Variants in COL4A2 observed in about 807,000 individuals in gnomAD.
COL4A2 encodes collagen type IV alpha 2 chain.
In COL4A2, 99 loss-of-function variants were observed where a neutral mutation model predicts 200.2. The ratio of observed to expected loss-of-function variants is 0.49; its 90% CI spans 0.42 to 0.58. The LOEUF is 0.58. Among genes scored for constraint, COL4A2 ranks in the 20% least tolerant of loss-of-function variants. The pLI is 0.00. For missense variants in COL4A2, 1,950 were observed against 2,314.1 expected (o/e 0.84, Z 3.23); for synonymous variants, 897 against 900.6 (o/e 1.00, Z 0.07).
At chr13:110,409,202 C>G (rs1212364767) in intron 4 of COL4A2, among the ~76,000 whole-genome samples, 2 of 152,118 alleles carry the variant, frequency 1.3e-5, no homozygotes, top group Non-Finnish European at 2.9e-5. Context: ...TATACACATG[C>G]ACACATATAC....
chr13:110,329,897 T>C (rs1566475960), intron 3 of COL4A2, among the ~76,000 whole-genome samples: 1 of 151,852 alleles, frequency 6.6e-6, no homozygotes, highest in Non-Finnish European at 1.5e-5. Flanking sequence ...TTCCAGAGGG[T>C]GAAGGGTGAG....
At chr13:110,431,265 G>C (rs1880672281) in intron 10 of COL4A2, among the ~76,000 whole-genome samples, 1 of 152,188 alleles carries the variant, frequency 6.6e-6, no homozygotes, top group South Asian at 2.1e-4. Context: ...GCAGGTGAGA[G>C]AGATCTTCTC....
chr13:110,355,527 C>G (rs1877180922), intron 3 of COL4A2, among the ~76,000 whole-genome samples: 1 of 75,604 alleles, frequency 1.3e-5, no homozygotes. Flanking sequence ...TGGGGGAGGG[C>G]TGCACTAGCT....
rs575537587 is a variant in COL4A2 at position 110,438,107 on chromosome 13, G to A, written c.861+70G>A. 2.0e-4 allele frequency: 270 copies of A among 1,359,718 alleles called. 1 individual carries two copies. In the South Asian group the frequency reaches 2.7e-3, roughly 14 times the overall value. 84.2% of individuals were successfully genotyped at this position (1,359,718 alleles called of 1,614,324 possible). A position where few individuals can be genotyped will look rare whatever the true frequency, so the allele number is the denominator to read the frequency against. ...CTGTCGGCGCTCTGCCAGGCATGAC[G>A]GGGTGCACCATGCGCTCGGGGCCCG... On this transcript the variant is annotated intron_variant, in intron 14 of 47. Coordinates refer to ENST00000360467, the MANE Select transcript of COL4A2 (RefSeq NM_001846.4).
chr13:110,403,296 C>G (rs1414803424), intron 4 of COL4A2, among the ~76,000 whole-genome samples: 1 of 152,188 alleles, frequency 6.6e-6, no homozygotes, highest in Admixed American at 6.5e-5. Flanking sequence ...TAATTTGTTT[C>G]TCTCTGTTTA....
At chr13:110,485,147 T>TA (rs1883070412) in intron 33 of COL4A2, 120 bp downstream of exon 33, 1 of 874,836 alleles carries the variant, frequency 1.1e-6, no homozygotes, top group African/African-American at 1.7e-5. Flanking sequence ...CTTCGTGCTT[T>TA]TCATCTCTGG....
chr13:110,334,439 G>A (rs1876076324), intron 3 of COL4A2, among the ~76,000 whole-genome samples: 1 of 152,182 alleles, frequency 6.6e-6, no homozygotes, highest in Non-Finnish European at 1.5e-5. Context: ...CGTCTGCCTG[G>A]GGAGCAGACC....
chr13:110,387,004 C>T (rs985546068), intron 4 of COL4A2, among the ~76,000 whole-genome samples: 3 of 152,104 alleles, frequency 2.0e-5, no homozygotes, highest in Non-Finnish European at 4.4e-5. Context: ...CTTTGGGAGG[C>T]CGAGGCGGGT....
At chr13:110,353,418 G>T (rs1410363447) in intron 3 of COL4A2, among the ~76,000 whole-genome samples, 1 of 152,194 alleles carries the variant, frequency 6.6e-6, no homozygotes, top group Non-Finnish European at 1.5e-5. Flanking sequence ...GCTGAGAGCA[G>T]GGTGGCAGCA....
At chr13:110,402,906 G>C (rs578228212) in intron 4 of COL4A2, among the ~76,000 whole-genome samples, 11 of 152,334 alleles carry the variant, frequency 7.2e-5, no homozygotes, top group Admixed American at 5.9e-4. Flanking sequence ...GGTCACGAAG[G>C]CTTCCTGCTT....
chr13:110,335,409 A>G (rs1401944028), intron 3 of COL4A2, among the ~76,000 whole-genome samples: 1 of 152,078 alleles, frequency 6.6e-6, no homozygotes, highest in Non-Finnish European at 1.5e-5. Flanking sequence ...AAGTCTCATG[A>G]GATCTGATGG....
chr13:110,502,994 G>A (rs1594113140), intron 41 of COL4A2, 127 bp from the exon 42 acceptor site: 2 of 866,040 alleles, frequency 2.3e-6, no homozygotes, highest in Middle Eastern at 2.7e-4. Context: ...TAAAAACATA[G>A]ACAAAGTCAT....
At chr13:110,350,875 A>G (rs897899370) in intron 3 of COL4A2, among the ~76,000 whole-genome samples, 3 of 152,120 alleles carry the variant, frequency 2.0e-5, no homozygotes, top group Non-Finnish European at 4.4e-5. Context: ...ACAAGCACTC[A>G]TGACCTCTTT....
chr13:110,312,470 A>G (rs7324593), intron 3 of COL4A2, among the ~76,000 whole-genome samples: 119,252 of 152,236 alleles, frequency 0.78, 46,919 homozygotes, highest in East Asian at 0.91. Context: ...AAGAAAATGG[A>G]TGTGTAGTTT....
rs530982663 is a variant in COL4A2 at position 110,456,843 on chromosome 13, C to T, written c.1340-500C>T. The stretch of plus-strand genomic sequence containing the variant: ...GCGTCTGCGTGGAACCCCAGGCGTC[C>T]GTGGGGCTGATGCCCTGCGTCTGCG... On this transcript the variant is annotated intron_variant, in intron 20 of 47. Transcript: ENST00000360467. The T allele has an allele frequency of 1.2e-4, 54 of 456,750 alleles. 1 individual carries two copies. In the East Asian group the frequency reaches 2.7e-3, roughly 22 times the overall value. The allele number at this position is 456,750 out of a possible 1,614,324, so 28.3% of individuals were successfully genotyped here.
chr13:110,448,832 T>C (rs1192072439), intron 18 of COL4A2, among the ~76,000 whole-genome samples: 1 of 152,206 alleles, frequency 6.6e-6, no homozygotes, highest in Non-Finnish European at 1.5e-5. Context: ...GAGGTGGAGA[T>C]GGACTTGGCT....
At chr13:110,375,982 G>C (rs1010098685) in intron 4 of COL4A2, among the ~76,000 whole-genome samples, 1 of 152,150 alleles carries the variant, frequency 6.6e-6, no homozygotes, top group South Asian at 2.1e-4. Context: ...TTAAGGCTTT[G>C]TCAGCCTCTG....
chr13:110,438,799 C>T (rs1881004800), intron 15 of COL4A2, 131 bp downstream of exon 15: 2 of 807,078 alleles, frequency 2.5e-6, no homozygotes, highest in African/African-American at 2.5e-5. Flanking sequence ...GTTATTACTC[C>T]CCACCCCCCC....
chr13:110,443,316 CA>C (rs1881204296), intron 16 of COL4A2, among the ~76,000 whole-genome samples: 1 of 152,174 alleles, frequency 6.6e-6, no homozygotes, highest in South Asian at 2.1e-4. Flanking sequence ...AGAAAGATAA[CA>C]GGCCAGTTCA....
Sources: allele counts gnomAD v4.1 joint callset (sites outside exome capture counted in the v4.1 genomes callset), GRCh38; gene constraint gnomAD v4.1.1; transcripts MANE v1.5; gene names NCBI Gene and HGNC (gene_info 2026-07-23, HGNC 2026-07-21).